Variants in AJAP1 observed in about 807,000 individuals in gnomAD.
The protein encoded by AJAP1 is adherens junctions associated protein 1.
AJAP1 carries 5 observed loss-of-function variants against 35.0 expected under a neutral mutation model. That is an observed-to-expected ratio of 0.14 (90% confidence interval 0.07 to 0.30). The LOEUF (loss-of-function observed/expected upper bound fraction) is 0.30, where lower values mean the gene tolerates loss of function less well. Ranked by LOEUF, AJAP1 falls within the 10% of genes least tolerant of loss-of-function variation. The pLI is 1.00. For synonymous variants in AJAP1, 284 were observed against 249.3 expected, an observed-to-expected ratio of 1.14 and a Z score of -1.31; for missense variants, 586 against 571.0, an observed-to-expected ratio of 1.03 and a Z score of -0.27.
rs149027849 is a variant in AJAP1 at position 4,735,334 on chromosome 1, G to A, written c.829+22635G>A. Among the ~76,000 whole-genome samples the A allele has an allele frequency of 7.9e-3, 1,200 of 152,320 alleles. 11 individuals are homozygous for A. Among genetic ancestry groups the A allele is most frequent in the Non-Finnish European group, 0.012 (798 of 68,032 alleles). ...CATCCCTGGAATTCCAGCCTGGAGCGTGTGGGAGGGAGGGTGCGATGTGCA... is the reference window on the plus strand; with the variant it reads ...CATCCCTGGAATTCCAGCCTGGAGCATGTGGGAGGGAGGGTGCGATGTGCA... On this transcript the variant is annotated intron_variant, in intron 2 of 5. Coordinates refer to ENST00000378191, the MANE Select transcript of AJAP1 (RefSeq NM_018836.4).
chr1:4,664,004 G>A (rs192646663), intron 1 of AJAP1, among the ~76,000 whole-genome samples: 10 of 152,156 alleles, frequency 6.6e-5, no homozygotes, highest in Non-Finnish European at 1.3e-4. Flanking sequence ...GTGAACAGTT[G>A]CATGACACTT....
intron 1 of AJAP1, among the ~76,000 whole-genome samples, chr1:4,704,386 C>T (rs1640056300): frequency 6.7e-6 from 1 of 148,394 alleles, no homozygotes; most frequent in South Asian, 2.2e-4. Context: ...CAATTCCCAC[C>T]TATGAGTGAG....
At position 4,734,292 on chromosome 1, in the gene AJAP1, T is replaced by C. The variant is rs1640869703; in HGVS notation, c.829+21593T>C. Among the ~76,000 whole-genome samples, 1 of 152,184 alleles carries C rather than the reference T, an allele frequency of 6.6e-6. No individual in the cohort carries two copies. Among genetic ancestry groups the C allele is most frequent in the Non-Finnish European group, 1.5e-5 (1 of 68,042 alleles). ...CCTCCTGCCTCACTATTAACAGCGC[T>C]GCGTCCATACTGGGAGCCAGGTTCT... is the stretch of plus-strand genomic sequence containing the variant. On this transcript the variant is annotated intron_variant, in intron 2 of 5. Coordinates refer to ENST00000378191, the MANE Select transcript of AJAP1 (RefSeq NM_018836.4). This position sits in a 1 kb window ranked among gnomAD's most constrained non-coding sequence, Gnocchi z 4.3.
chr1:4,755,551 G>T (rs1018825068), intron 2 of AJAP1, among the ~76,000 whole-genome samples: 11 of 151,834 alleles, frequency 7.2e-5, no homozygotes, highest in Non-Finnish European at 1.5e-4. Context: ...CCCACCCCCT[G>T]CCTGCCCATG....
rs576278927 is a variant in AJAP1, at chr1:4,786,707, C to T, written c.*4222C>T. On this transcript the variant is annotated 3_prime_UTR_variant, in exon 6 of 6. Transcript: ENST00000378191. Reference sequence around the variant, plus strand: ...CAGGTGGTCCAGGGTTGTCTGTAGCCCAGGAAGCGGACTGACCCTGTATCT... The same window carrying T: ...CAGGTGGTCCAGGGTTGTCTGTAGCTCAGGAAGCGGACTGACCCTGTATCT... 2.6e-5 allele frequency: 4 copies of T among 152,240 alleles called. No homozygotes were observed. The highest frequency in any genetic ancestry group is 6.5e-5 in the Admixed American group (1 of 15,294). 9.4% of individuals were successfully genotyped at this position (152,240 alleles called of 1,614,324 possible). A position where few individuals can be genotyped will look rare whatever the true frequency, so the allele number is the denominator to read the frequency against.
At position 4,693,485 on chromosome 1, in the gene AJAP1, C is replaced by T. The variant is rs148778206; in HGVS notation, c.30-18415C>T. On this transcript the variant is annotated intron_variant, in intron 1 of 5. Coordinates refer to ENST00000378191, the MANE Select transcript of AJAP1 (RefSeq NM_018836.4). This position sits in a 1 kb window ranked among gnomAD's most constrained non-coding sequence, Gnocchi z 4.4. ...TTCCTTGGAGGCACCAGAGCCCAAA[C>T]CCAGCTGGCTGCAGAATGGCCCTTC... Among the ~76,000 whole-genome samples the T allele has an allele frequency of 4.3e-3, 661 of 152,288 alleles. 14 individuals are homozygous for T. In the East Asian group the frequency reaches 0.053, roughly 12 times the overall value.
chr1:4,666,574 A>G (rs1349297412), intron 1 of AJAP1, among the ~76,000 whole-genome samples: 2 of 93,352 alleles, frequency 2.1e-5, no homozygotes, highest in African/African-American at 4.2e-5. Flanking sequence ...GAATCACGGG[A>G]GGGGTGCGGA....
intron 2 of AJAP1, among the ~76,000 whole-genome samples, chr1:4,742,754 C>T (rs1641098717): frequency 6.6e-6 from 1 of 152,190 alleles, no homozygotes; most frequent in Admixed American, 6.5e-5. Flanking sequence ...TGAAACACAA[C>T]CGTTCCCCCA....
chr1:4,676,223 C>A (rs1460712365), intron 1 of AJAP1, among the ~76,000 whole-genome samples: 3 of 152,176 alleles, frequency 2.0e-5, no homozygotes, highest in Non-Finnish European at 4.4e-5. Flanking sequence ...CACGCTCCTC[C>A]GATTTCCTCA....
At chr1:4,762,604 C>T (rs1641591926) in intron 2 of AJAP1, among the ~76,000 whole-genome samples, 1 of 152,224 alleles carries the variant, frequency 6.6e-6, no homozygotes, top group Non-Finnish European at 1.5e-5. Context: ...CCGGAAGTGC[C>T]TGGTCTCCCC....
intron 2 of AJAP1, among the ~76,000 whole-genome samples, chr1:4,749,731 G>C (rs114152380): frequency 0.016 from 2,467 of 152,342 alleles, 58 homozygotes; most frequent in African/African-American, 0.055. Flanking sequence ...ATCCAGGCAG[G>C]TGTTTCATGA....
In AJAP1 at chr1:4,753,269, C is replaced by T. The variant is rs148939358; in HGVS notation, c.830-16584C>T. 8.3e-3 allele frequency among the ~76,000 whole-genome samples: 1,271 copies of T among 152,252 alleles called. 9 individuals are homozygous for T. The highest frequency in any genetic ancestry group is 0.011 in the Non-Finnish European group (760 of 68,030). On this transcript the variant is annotated intron_variant, in intron 2 of 5. Coordinates refer to ENST00000378191, the MANE Select transcript of AJAP1 (RefSeq NM_018836.4). Reference sequence around the variant, plus strand: ...TTCCTCTTTGATTCTTCTCCAGCCCCTGGAAGCTACATTAAGGCCCAAGAG... The same window carrying T: ...TTCCTCTTTGATTCTTCTCCAGCCCTTGGAAGCTACATTAAGGCCCAAGAG...
chr1:4,760,220 TGTAA>T (rs71580283), intron 2 of AJAP1, among the ~76,000 whole-genome samples: 3,322 of 139,388 alleles, frequency 0.024, 47 homozygotes, highest in Middle Eastern at 0.042. Context: ...TGTGTGAATA[TGTAA>T]GTGTGTGTGA....
chr1:4,707,949 G>A (rs931628633), intron 1 of AJAP1, among the ~76,000 whole-genome samples: 1 of 146,250 alleles, frequency 6.8e-6, no homozygotes, highest in Non-Finnish European at 1.5e-5. Context: ...CTGTGGGTGT[G>A]ATGTGGGCGG....
intron 2 of AJAP1, among the ~76,000 whole-genome samples, chr1:4,738,352 G>A (rs1640978598): frequency 6.6e-6 from 1 of 152,250 alleles, no homozygotes; most frequent in African/African-American, 2.4e-5. Context: ...GATAGCATAA[G>A]AGTCTCTGCA....
At chr1:4,728,925 G>A (rs1006698104) in intron 2 of AJAP1, among the ~76,000 whole-genome samples, 9 of 151,948 alleles carry the variant, frequency 5.9e-5, no homozygotes, top group African/African-American at 1.5e-4. Flanking sequence ...GGGCTCCATC[G>A]GCCCTGGGCC....
At chr1:4,771,403 C>T (rs1205553589) in intron 3 of AJAP1, among the ~76,000 whole-genome samples, 3 of 152,188 alleles carry the variant, frequency 2.0e-5, no homozygotes, top group Non-Finnish European at 4.4e-5. Flanking sequence ...CCCTTGCCTT[C>T]GTGCAGCCCC....
chr1:4,722,224 T>C (rs1392206153), intron 2 of AJAP1, among the ~76,000 whole-genome samples: 3 of 152,226 alleles, frequency 2.0e-5, no homozygotes, highest in Admixed American at 2.0e-4. Context: ...GAGAATTCCC[T>C]GGGTTCATCT....
At chr1:4,758,323 A>G (rs113226922) in intron 2 of AJAP1, among the ~76,000 whole-genome samples, 4,964 of 152,270 alleles carry the variant, frequency 0.033, 128 homozygotes, top group South Asian at 0.12. Flanking sequence ...TAGGAAGTGC[A>G]TTAGTCCATT....
Sources: allele counts gnomAD v4.1 joint callset (sites outside exome capture counted in the v4.1 genomes callset), GRCh38; gene constraint gnomAD v4.1.1; non-coding constraint Gnocchi (gnomAD v3.1); transcripts MANE v1.5; gene names NCBI Gene and HGNC (gene_info 2026-07-23, HGNC 2026-07-21).